CYP27A1: variants seen among roughly 807,000 people sequenced by gnomAD.
CYP27A1 encodes cytochrome P450 family 27 subfamily A member 1, also known as sterol 26-hydroxylase, mitochondrial.
CYP27A1 carries 46 observed loss-of-function variants against 58.2 expected under a neutral mutation model. That is an observed-to-expected ratio of 0.79 (90% CI 0.62 to 1.01). The LOEUF (loss-of-function observed/expected upper bound fraction) is 1.01. Among genes scored for constraint, CYP27A1 ranks in the 50% least tolerant of loss-of-function variants. CYP27A1 has a pLI of 0.00. For synonymous variants in CYP27A1, 274 were observed against 285.1 expected, an observed-to-expected ratio of 0.96 and a Z score of 0.39; for missense variants, 704 against 687.0, an observed-to-expected ratio of 1.02 and a Z score of -0.28.
At chr2:218,804,861 T>A (rs1441099371) in intron 1 of CYP27A1, among the ~76,000 whole-genome samples, 1 of 152,242 alleles carries the variant, frequency 6.6e-6, no homozygotes, top group African/African-American at 2.4e-5. Flanking sequence ...ACAACAAATT[T>A]ATTTTCTCAC....
intron 6 of CYP27A1, 49 bp downstream of exon 6, chr2:218,814,236 G>T: frequency 6.2e-7 from 1 of 1,612,678 alleles, no homozygotes. Context: ...TTGTGGGGAG[G>T]GAATCAGAGG....
chr2:218,784,109 G>A (rs187333185), intron 1 of CYP27A1, among the ~76,000 whole-genome samples: 1 of 152,256 alleles, frequency 6.6e-6, no homozygotes, highest in Non-Finnish European at 1.5e-5. Context: ...GGTTGAGGAT[G>A]AGGGAGAAGA....
At chr2:218,795,835 T>C (rs1272057408) in intron 1 of CYP27A1, among the ~76,000 whole-genome samples, 1 of 152,256 alleles carries the variant, frequency 6.6e-6, no homozygotes, top group Non-Finnish European at 1.5e-5. Context: ...TTTAGTCTTA[T>C]ACTTGGCCTG....
At chr2:218,800,163 G>A (rs1203573946) in intron 1 of CYP27A1, among the ~76,000 whole-genome samples, 7 of 152,130 alleles carry the variant, frequency 4.6e-5, no homozygotes, top group African/African-American at 1.7e-4. Flanking sequence ...AACCTGAGAG[G>A]TGATGAGAAG....
chr2:218,782,309 G>T lies in CYP27A1; in HGVS notation c.127G>T (p.Ala43Ser). Residue 43 changes from alanine to serine, a missense_variant, in exon 1 of 9, where the codon GCT becomes TCT. Physicochemically the swap from Ala to Ser is moderately conservative, Grantham distance 99. Transcript: ENST00000258415. This position sits in a 1 kb window ranked among gnomAD's most constrained non-coding sequence, Gnocchi z 4.1. ...AALPSDKATGAPGAGPGVRRR... is the reference protein window; with the variant it reads ...AALPSDKATGSPGAGPGVRRR... The stretch of plus-strand genomic sequence containing the variant: ...CCTCCCCTCGGACAAGGCCACCGGA[G>T]CTCCCGGAGCCGGGCCTGGTGTCCG... The T allele has an allele frequency of 6.2e-7, 1 of 1,609,488 alleles. No homozygotes were observed. Among genetic ancestry groups the T allele is most frequent in the Non-Finnish European group, 8.5e-7 (1 of 1,177,806 alleles).
rs141162919 is a variant in CYP27A1 at position 218,806,443 on chromosome 2, C to G, written c.256-3134C>G. On this transcript the variant is annotated intron_variant, in intron 1 of 8. Transcript: ENST00000258415. ...GGGGTGCGGTACTTGTGGGGAGAGG[C>G]CAGGAATGCTGCTAGGCACCCGGCA... is the stretch of plus-strand genomic sequence containing the variant. 2.1e-3 allele frequency among the ~76,000 whole-genome samples: 319 copies of G among 152,314 alleles called. 2 individuals carry two copies. The highest frequency in any genetic ancestry group is 6.6e-3 in the African/African-American group (275 of 41,564).
chr2:218,810,483 G>T (rs1943701300), intron 2 of CYP27A1, among the ~76,000 whole-genome samples: 1 of 152,100 alleles, frequency 6.6e-6, no homozygotes, highest in Non-Finnish European at 1.5e-5. Context: ...TCATATGCAT[G>T]CATTTAAAAG....
rs1943407179 is a variant in CYP27A1, at chr2:218,782,883, A to G, written c.255+446A>G. On this transcript the variant is annotated intron_variant, in intron 1 of 8. Transcript: ENST00000258415. This position sits in a 1 kb window ranked among gnomAD's most constrained non-coding sequence, Gnocchi z 4.1. ...TTATTTGCAAGGTAAATTTCCTCTT[A>G]GGGGAAAACACAATGCTGCATCTCA... Among the ~76,000 whole-genome samples, 1 of 152,200 alleles carries G rather than the reference A, an allele frequency of 6.6e-6. No homozygotes were observed. The highest frequency in any genetic ancestry group is 2.4e-5 in the African/African-American group (1 of 41,450).
At position 218,782,608 on chromosome 2, in the gene CYP27A1, C is replaced by G. The variant is rs923127820; in HGVS notation, c.255+171C>G. ...GTAGGGAGAATGGGCAAAGTGCAGA[C>G]AGAGCCCTTTGAGCTGAGATAAACA... On this transcript the variant is annotated intron_variant, in intron 1 of 8. Coordinates refer to ENST00000258415, the MANE Select transcript of CYP27A1 (RefSeq NM_000784.4). This position sits in a 1 kb window ranked among gnomAD's most constrained non-coding sequence, Gnocchi z 4.1. 1.3e-5 allele frequency among the ~76,000 whole-genome samples: 2 copies of G among 152,106 alleles called. No individual in the cohort carries two copies. The highest frequency in any genetic ancestry group is 4.8e-5 in the African/African-American group (2 of 41,406).
intron 1 of CYP27A1, among the ~76,000 whole-genome samples, chr2:218,807,220 AAGTGCTGGGATTAC>A (rs1943661301): frequency 6.6e-6 from 1 of 151,846 alleles, no homozygotes; most frequent in Non-Finnish European, 1.5e-5. Flanking sequence ...CAGCCTCCCA[AAGTGCTGGGATTAC>A]AGGCGTGAGC....
intron 1 of CYP27A1, among the ~76,000 whole-genome samples, chr2:218,787,377 C>T (rs1943450590): frequency 6.6e-6 from 1 of 152,222 alleles, no homozygotes; most frequent in Non-Finnish European, 1.5e-5. Flanking sequence ...CCTGACCCTT[C>T]AGTTCTCAGT....
In CYP27A1 at chr2:218,814,059, A is replaced by C; in HGVS notation, c.1056A>C (p.Ser352=). 6.2e-7 allele frequency: 1 copy of C among 1,614,138 alleles called. No homozygotes were observed. Among genetic ancestry groups the C allele is most frequent in the Non-Finnish European group, 8.5e-7 (1 of 1,180,004 alleles). The change falls in exon 6 of 9, where the codon TCA becomes TCC. Residue 352 remains serine, a synonymous_variant. Coordinates refer to ENST00000258415, the MANE Select transcript of CYP27A1 (RefSeq NM_000784.4). ...TGACATGGGCCCTGTACCACCTCTC[A>C]AAGGACCCTGAGATCCAGGAGGCCT... ...NTLTWALYHL[S]KDPEIQEALH... is the part of the protein sequence containing the mutation.
chr2:218,814,843 G>A, intron 8 of CYP27A1, 68 bp from the exon 9 acceptor site: 1 of 1,613,632 alleles, frequency 6.2e-7, no homozygotes, highest in Non-Finnish European at 8.5e-7. Context: ...CAGGGTAGGA[G>A]TGTGCAGAGC....
At chr2:218,809,442 C>CTTTTTTTTTTTTTTTTTTTTTTTTTTTT (rs57956133) in intron 1 of CYP27A1, 135 bp from the exon 2 acceptor site, 1 of 365,316 alleles carries the variant, frequency 2.7e-6, no homozygotes, top group African/African-American at 3.4e-5. Context: ...ACACAATGCC[C>CTTTTTTTTTTTTTTTTTTTTTTTTTTTT]TTTTTTTTTT....
At chr2:218,794,959 C>T (rs1415789355) in intron 1 of CYP27A1, among the ~76,000 whole-genome samples, 1 of 152,106 alleles carries the variant, frequency 6.6e-6, no homozygotes. Context: ...TTCCCTCTTC[C>T]ATCCTTGCAT....
Position 218,814,935 on chromosome 2 carries a change from C to G in CYP27A1, c.1501C>G (p.Leu501Val). The change falls in exon 9 of 9, where the codon CTG becomes GTG. Residue 501 changes from leucine (L) to valine (V), a missense_variant. Leu to Val is a conservative substitution (Grantham distance 32). Transcript: ENST00000258415. ...ARLIQKYKVV[L>V]APETGELKSV... is the part of the protein sequence containing the mutation. ...GCTGATCCAGAAGTACAAGGTGGTC[C>G]TGGCCCCGGAGACGGGGGAGTTGAA... The G allele has an allele frequency of 6.2e-7, 1 of 1,614,224 alleles. No homozygotes were observed. Among genetic ancestry groups the G allele is most frequent in the South Asian group, 1.1e-5 (1 of 91,082 alleles).
At chr2:218,813,621 G>A (rs1165387445) in intron 5 of CYP27A1, among the ~76,000 whole-genome samples, 3 of 152,094 alleles carry the variant, frequency 2.0e-5, no homozygotes, top group Middle Eastern at 3.4e-3. Context: ...GTAGAGACGG[G>A]GGTTTCACCA....
At chr2:218,795,135 T>C (rs892079907) in intron 1 of CYP27A1, among the ~76,000 whole-genome samples, 1 of 152,202 alleles carries the variant, frequency 6.6e-6, no homozygotes, top group African/African-American at 2.4e-5. Flanking sequence ...ATTTATGCCA[T>C]GGATACTAGC....
Position 218,814,948 on chromosome 2 carries a change from C to CG in CYP27A1, c.1519dup (p.Glu507GlyfsTer14). On this transcript the variant is annotated frameshift_variant, in exon 9 of 9. Transcript: ENST00000258415. LOFTEE classifies it high-confidence loss of function. ...TACAAGGTGGTCCTGGCCCCGGAGA[C>CG]GGGGGAGTTGAAGAGTGTGGCCCGC... 1 of 1,614,222 alleles carries CG rather than the reference C, an allele frequency of 6.2e-7. No homozygotes were observed.
Sources: allele counts gnomAD v4.1 joint callset (sites outside exome capture counted in the v4.1 genomes callset), GRCh38; gene constraint gnomAD v4.1.1; non-coding constraint Gnocchi (gnomAD v3.1); transcripts MANE v1.5; gene names NCBI Gene and HGNC (gene_info 2026-07-23, HGNC 2026-07-21).